The following ADAM19 variants were observed in gnomAD, a reference collection of about 807,000 sequenced individuals.
ADAM19 encodes disintegrin and metalloproteinase domain-containing protein 19.
ADAM19 carries 65 observed loss-of-function variants against 114.7 expected under a neutral mutation model. That is an observed-to-expected ratio of 0.57 (90% CI 0.46 to 0.70). The LOEUF (loss-of-function observed/expected upper bound fraction) is 0.70. Ranked by LOEUF, ADAM19 falls within the 30% of genes least tolerant of loss-of-function variation. ADAM19 has a pLI of 0.00. For synonymous variants in ADAM19, 466 were observed against 460.5 expected (o/e 1.01, Z -0.15); for missense variants, 1,063 against 1,204.7 (o/e 0.88, Z 1.74).
chr5:157,503,781 G>A (rs763092275), intron 11 of ADAM19, among the ~76,000 whole-genome samples: 17 of 152,208 alleles, frequency 1.1e-4, no homozygotes, highest in Admixed American at 6.5e-5. Flanking sequence ...AAGATCATAA[G>A]TTTTATTTCA....
chr5:157,490,295 T>G lies in ADAM19; in HGVS notation c.2240+15A>C. ...CATAAATTGACCCTGAGTCCTCCAT[T>G]GAACCCTGTCATACCTGAACTGTTG... On this transcript the variant is annotated intron_variant, in intron 19 of 22. Transcript: ENST00000257527. 1 of 1,614,022 alleles carries G rather than the reference T, an allele frequency of 6.2e-7. No homozygotes were observed. Among genetic ancestry groups the G allele is most frequent in the Non-Finnish European group, 8.5e-7 (1 of 1,179,934 alleles).
At chr5:157,568,702 T>C (rs1398804395) in intron 2 of ADAM19, 1 of 152,170 alleles carries the variant, frequency 6.6e-6, no homozygotes, top group Admixed American at 6.5e-5. Flanking sequence ...TAATGTTTAA[T>C]GAATGTGAGC....
intron 7 of ADAM19, among the ~76,000 whole-genome samples, chr5:157,515,226 T>C (rs1561539135): frequency 6.6e-6 from 1 of 152,250 alleles, no homozygotes; most frequent in East Asian, 1.9e-4. Flanking sequence ...TTTCTCATTA[T>C]AGAGGCCTCC....
At chr5:157,481,566 G>C (rs1754748264) in intron 22 of ADAM19, 1 of 1,494,104 alleles carries the variant, frequency 6.7e-7, no homozygotes, top group African/African-American at 1.4e-5. Context: ...GGGCAGGACT[G>C]AAGCCACCAC....
chr5:157,480,934 G>T lies in ADAM19; in HGVS notation c.*15C>A, dbSNP rs374925085. 1.1e-5 allele frequency: 18 copies of T among 1,613,838 alleles called. No homozygotes were observed. Among genetic ancestry groups the T allele is most frequent in the African/African-American group, 2.7e-5 (2 of 74,898 alleles). ...CCAGAGAGCTCAAGGAAAGGGAGAA[G>T]CCCCTTGGACAGGTCTAGATTTTCG... On this transcript the variant is annotated 3_prime_UTR_variant, in exon 23 of 23. Transcript: ENST00000257527.
intron 5 of ADAM19, among the ~76,000 whole-genome samples, chr5:157,522,861 C>T (rs1756342515): frequency 6.6e-6 from 1 of 152,160 alleles, no homozygotes; most frequent in Admixed American, 6.5e-5. Context: ...GTGATGGTGC[C>T]AGCAGCTCTC....
chr5:157,487,411 C>T (rs928119780), intron 21 of ADAM19, among the ~76,000 whole-genome samples: 1 of 152,182 alleles, frequency 6.6e-6, no homozygotes, highest in African/African-American at 2.4e-5. Context: ...CCCCAGAGTC[C>T]TTAGGGTCAG....
chr5:157,521,299 A>C (rs1190384677), intron 5 of ADAM19, among the ~76,000 whole-genome samples: 1 of 152,146 alleles, frequency 6.6e-6, no homozygotes, highest in Non-Finnish European at 1.5e-5. Context: ...TGGGAGGAGG[A>C]AGCCCAGGAG....
At chr5:157,481,230 C>T in intron 22 of ADAM19, 1 of 614,660 alleles carries the variant, frequency 1.6e-6, no homozygotes, top group Admixed American at 2.9e-5. Context: ...CTCCCTCTTC[C>T]CTTCCCTGCT....
intron 3 of ADAM19, among the ~76,000 whole-genome samples, chr5:157,560,798 T>G (rs1581355537): frequency 1.3e-5 from 2 of 152,382 alleles, no homozygotes; most frequent in South Asian, 4.1e-4. Flanking sequence ...TTCATTCTTT[T>G]GTTTATTTGG....
chr5:157,544,897 G>A (rs1757007545), intron 3 of ADAM19, among the ~76,000 whole-genome samples: 1 of 152,070 alleles, frequency 6.6e-6, no homozygotes. Context: ...GAGGGTATGA[G>A]GAAACTGCCA....
At position 157,551,411 on chromosome 5, in the gene ADAM19, C is replaced by G. The variant is rs1478549393; in HGVS notation, c.251+12962G>C. ...AGAGCATGATTCTGTCCCCCCAACC[C>G]CAAAAAAAAAAAAAAAAAAAGACCA... is the stretch of plus-strand genomic sequence containing the variant. On this transcript the variant is annotated intron_variant, in intron 3 of 22. Transcript: ENST00000257527. Among the ~76,000 whole-genome samples the G allele has an allele frequency of 2.7e-5, 2 of 73,488 alleles. 1 individual carries two copies. Among genetic ancestry groups the G allele is most frequent in the Non-Finnish European group, 5.0e-5 (2 of 39,904 alleles). 48.2% of individuals were successfully genotyped at this position (73,488 alleles called of 152,430 possible).
chr5:157,519,821 G>A lies in ADAM19; in HGVS notation c.600+18C>T, dbSNP rs772257912. ...CTGTCCCCAGGTTGATTTCTGCACTGAGAGCCTCAAAACTCACCCTGCGAG... is the reference window on the plus strand; with the variant it reads ...CTGTCCCCAGGTTGATTTCTGCACTAAGAGCCTCAAAACTCACCCTGCGAG... On this transcript the variant is annotated intron_variant, in intron 6 of 22. Coordinates refer to ENST00000257527, the MANE Select transcript of ADAM19 (RefSeq NM_033274.5). 4 of 1,596,642 alleles carry A rather than the reference G, an allele frequency of 2.5e-6. No homozygotes were observed. In the African/African-American group the frequency reaches 5.4e-5, roughly 21 times the overall value.
At chr5:157,539,419 G>T (rs557577405) in intron 3 of ADAM19, among the ~76,000 whole-genome samples, 2 of 152,308 alleles carry the variant, frequency 1.3e-5, no homozygotes, top group East Asian at 3.9e-4. Context: ...ACATTTCCCA[G>T]CAAGAGAGGG....
chr5:157,493,188 G>T lies in ADAM19; in HGVS notation c.1704-11C>A. 6.2e-7 allele frequency: 1 copy of T among 1,610,672 alleles called. No individual in the cohort carries two copies. ...CCACACTTCGCATCTCTGGGCACAA[G>T]AGACAGAGAGGGAAGGAAGCGGAAT... On this transcript the variant is annotated splice_polypyrimidine_tract_variant and intron_variant, in intron 15 of 22. Transcript: ENST00000257527.
At chr5:157,533,862 G>A (rs1756690322) in intron 4 of ADAM19, among the ~76,000 whole-genome samples, 1 of 152,134 alleles carries the variant, frequency 6.6e-6, no homozygotes, top group African/African-American at 2.4e-5. Context: ...CCAGCTACTC[G>A]GAGACTGAGG....
At chr5:157,540,550 A>G (rs1410874548) in intron 3 of ADAM19, among the ~76,000 whole-genome samples, 7 of 152,326 alleles carry the variant, frequency 4.6e-5, no homozygotes, top group African/African-American at 1.4e-4. Context: ...GAAATCATGT[A>G]GTCAAACCCC....
rs140604723 is a variant in ADAM19, at chr5:157,539,238, A to G, written c.252-1247T>C. On this transcript the variant is annotated intron_variant, in intron 3 of 22. Coordinates refer to ENST00000257527, the MANE Select transcript of ADAM19 (RefSeq NM_033274.5). Reference sequence around the variant, plus strand: ...AGGGGTTGCAGAAGATGTTTACAATATAAGTTGCATATTTCTGAAGTTGGT... The same window carrying G: ...AGGGGTTGCAGAAGATGTTTACAATGTAAGTTGCATATTTCTGAAGTTGGT... Among the ~76,000 whole-genome samples the G allele has an allele frequency of 1.0e-3, 158 of 152,238 alleles. 1 individual carries two copies. Among genetic ancestry groups the G allele is most frequent in the African/African-American group, 3.5e-3 (146 of 41,536 alleles).
chr5:157,575,572 A>G, intron 1 of ADAM19, 31 bp downstream of exon 1: 1 of 1,438,612 alleles, frequency 7.0e-7, no homozygotes, highest in Non-Finnish European at 9.1e-7. Context: ...CGGGCCACCC[A>G]GCCTCCATCC....
Sources: gnomAD v4.1 joint callset for allele counts (sites outside exome capture counted in the v4.1 genomes callset) on GRCh38, gnomAD v4.1.1 for gene constraint, MANE v1.5 for transcripts, NCBI Gene and HGNC (gene_info 2026-07-23, HGNC 2026-07-21) for gene names.